Variants in ODF2 observed in about 807,000 individuals in gnomAD.
ODF2 encodes the protein outer dense fiber of sperm tails 2, also known as outer dense fiber protein 2.
ODF2 carries 47 observed loss-of-function variants against 110.2 expected under a neutral mutation model. The observed-to-expected ratio is 0.43, with a 90% CI of 0.34 to 0.54. The LOEUF is 0.54. Among genes scored for constraint, ODF2 ranks in the 20% least tolerant of loss-of-function variants. The pLI is 0.03. For missense variants in ODF2, 812 were observed against 1,054.5 expected (o/e 0.77, Z 3.19); for synonymous variants, 352 against 397.7 (o/e 0.89, Z 1.37).
chr9:128,482,915 T>TTTTA, intron 10 of ODF2, 28 bp downstream of exon 10: 4 of 1,007,844 alleles, frequency 4.0e-6, no homozygotes, highest in South Asian at 1.4e-5. Context: ...TTTTTTTTTT[T>TTTTA]AGACGGAGTC....
chr9:128,468,676 C>T (rs748468036), intron 4 of ODF2, among the ~76,000 whole-genome samples: 1 of 152,144 alleles, frequency 6.6e-6, no homozygotes, highest in Non-Finnish European at 1.5e-5. Flanking sequence ...GCATGCACCA[C>T]CATGTCCAGC....
chr9:128,499,304 G>A (rs2132351528), intron 20 of ODF2, among the ~76,000 whole-genome samples, 178 bp downstream of exon 20: 1 of 152,198 alleles, frequency 6.6e-6, no homozygotes, highest in South Asian at 2.1e-4. Flanking sequence ...TATTTATTTA[G>A]AGACGGAGTC....
chr9:128,473,498 C>T (rs1840539421), intron 7 of ODF2, 112 bp from the exon 8 acceptor site: 1 of 1,518,786 alleles, frequency 6.6e-7, no homozygotes, highest in Non-Finnish European at 8.8e-7. Context: ...GCACTGTACA[C>T]AGCCTGGTTC....
Position 128,494,952 on chromosome 9 carries a change from C to A in ODF2, c.1911+284C>A. On this transcript the variant is annotated intron_variant, in intron 17 of 20. Coordinates refer to ENST00000604420, the Ensembl canonical transcript of ODF2. The surrounding 1 kb of genome is among the most constrained non-coding windows in gnomAD (Gnocchi z 4.6). ...CTGCTGCCTCTGCCTGTGTGCTCCG[C>A]AGCTGTCCTCAGCTCCACACCCACA... 2 of 799,112 alleles carry A rather than the reference C, an allele frequency of 2.5e-6. No individual in the cohort carries two copies. The highest frequency in any genetic ancestry group is 3.8e-6 in the Non-Finnish European group (2 of 526,222). 49.5% of individuals were successfully genotyped at this position (799,112 alleles called of 1,614,324 possible). A position where few individuals can be genotyped will look rare whatever the true frequency, so the allele number is the denominator to read the frequency against.
exon 11 of ODF2, chr9:128,484,048 G>A (rs896945450): frequency 3.7e-6 from 6 of 1,609,294 alleles, no homozygotes; most frequent in Middle Eastern, 1.7e-4. Flanking sequence ...TGTGCATGCA[G>A]ATTAAGGTAC....
intron 3 of ODF2, chr9:128,460,070 G>A: frequency 8.7e-7 from 1 of 1,146,962 alleles, no homozygotes; most frequent in Non-Finnish European, 1.2e-6. Flanking sequence ...TCAGCTTTCT[G>A]TTTTCCTGTT....
chr9:128,501,264 A>G (rs1228662167), downstream of ODF2: 1 of 152,224 alleles, frequency 6.6e-6, no homozygotes, highest in Non-Finnish European at 1.5e-5. Context: ...TGGTTTCTGA[A>G]TAAGAATCTG....
chr9:128,473,696 C>G, exon 8 of ODF2: 1 of 1,613,760 alleles, frequency 6.2e-7, no homozygotes. Context: ...TTGAGGAGAC[C>G]AACCGCACCC....
At position 128,499,080 on chromosome 9, in the gene ODF2, G is replaced by A. The variant is rs144521735; in HGVS notation, c.2255G>A (p.Ser752Asn). Residue 752 changes from serine (S) to asparagine (N), a missense_variant, in exon 20 of 21, where the codon AGC (serine) becomes AAC (asparagine). Transcript: ENST00000604420. ...ATCCTGGACCTTGAGACCCAGCTGA[G>A]CAGAACCAAAACGGAATTGAGCCAG... is the stretch of plus-strand genomic sequence containing the variant. 4.8e-4 allele frequency: 776 copies of A among 1,614,230 alleles called. 2 individuals carry two copies. Among genetic ancestry groups the A allele is most frequent in the Middle Eastern group, 3.0e-3 (18 of 6,062 alleles).
At chr9:128,460,493 C>T in intron 3 of ODF2, 57 bp from the exon 3 acceptor site, 1 of 1,594,878 alleles carries the variant, frequency 6.3e-7, no homozygotes, top group Non-Finnish European at 8.5e-7. Flanking sequence ...TGTTTTTATG[C>T]CCAGTTTACT....
chr9:128,477,107 C>T (rs1841439225), intron 8 of ODF2, among the ~76,000 whole-genome samples: 1 of 151,370 alleles, frequency 6.6e-6, no homozygotes, highest in Non-Finnish European at 1.5e-5. Flanking sequence ...TGATGGGTAC[C>T]CGTAATATCA....
intron 4 of ODF2, among the ~76,000 whole-genome samples, chr9:128,466,909 G>A (rs1200961578): frequency 1.4e-5 from 2 of 140,506 alleles, no homozygotes; most frequent in Non-Finnish European, 3.1e-5. Context: ...CCTGGGAGGC[G>A]GAGCTTGCAG....
In ODF2 at chr9:128,494,703, C is replaced by T. The variant is rs868479128; in HGVS notation, c.1911+35C>T. 1.2e-6 allele frequency: 2 copies of T among 1,614,190 alleles called. No homozygotes were observed. Among genetic ancestry groups the T allele is most frequent in the African/African-American group, 2.7e-5 (2 of 75,050 alleles). On this transcript the variant is annotated intron_variant, in intron 17 of 20. Coordinates refer to ENST00000604420, the Ensembl canonical transcript of ODF2. This position sits in a 1 kb window ranked among gnomAD's most constrained non-coding sequence, Gnocchi z 4.6. ...TGGCAGAAAGGGTCCCACGAACTGA[C>T]CCGAGCAGGGGCCCGCATACCAAGA...
exon 21 of ODF2, chr9:128,500,093 G>A: frequency 6.2e-7 from 1 of 1,614,250 alleles, no homozygotes; most frequent in East Asian, 2.2e-5. Flanking sequence ...AGAGCCGGCT[G>A]CAAGACCTGA....
intron 5 of ODF2, among the ~76,000 whole-genome samples, chr9:128,470,589 C>G (rs1338542943): frequency 6.6e-6 from 1 of 151,694 alleles, no homozygotes; most frequent in Admixed American, 6.6e-5. Flanking sequence ...TACCGCTGCA[C>G]TCCAGCCTGG....
At chr9:128,456,133 G>A (rs573436526), upstream of ODF2, 274 of 1,548,174 alleles carry the variant, frequency 1.8e-4, no homozygotes, top group African/African-American at 3.0e-3. Flanking sequence ...GGAGGCGGAA[G>A]CGGGGAGGAG....
intron 3 of ODF2, 22 bp from the exon 3 acceptor site, chr9:128,460,528 G>A (rs1186431198): frequency 6.2e-7 from 1 of 1,608,994 alleles, no homozygotes; most frequent in South Asian, 1.1e-5. Flanking sequence ...CCATTTTTGT[G>A]TTGTCCTCCC....
At chr9:128,463,241 A>G (rs768518934) in intron 4 of ODF2, among the ~76,000 whole-genome samples, 1 of 152,230 alleles carries the variant, frequency 6.6e-6, no homozygotes, top group Non-Finnish European at 1.5e-5. Flanking sequence ...CCTGTGTGAC[A>G]CAGTGAGACC....
intron 19 of ODF2, 45 bp downstream of exon 19, chr9:128,498,620 A>T (rs1846049346): frequency 9.2e-7 from 1 of 1,089,608 alleles, no homozygotes; most frequent in African/African-American, 1.6e-5. Flanking sequence ...ACCTTGGGCA[A>T]ATCACCTAAA....
Sources: gnomAD v4.1 joint callset for allele counts (sites outside exome capture counted in the v4.1 genomes callset) on GRCh38, gnomAD v4.1.1 for gene constraint, Gnocchi (gnomAD v3.1) non-coding constraint, MANE v1.5 for transcripts, NCBI Gene and HGNC (gene_info 2026-07-23, HGNC 2026-07-21) for gene names.